Variants in PDE8A observed in about 807,000 individuals in gnomAD.
PDE8A encodes phosphodiesterase 8A.
PDE8A carries 59 observed loss-of-function variants against 105.0 expected under a neutral mutation model. The ratio of observed to expected loss-of-function variants is 0.56; its 90% CI spans 0.46 to 0.70. The LOEUF (loss-of-function observed/expected upper bound fraction) is 0.70, where lower values mean the gene tolerates loss of function less well. Among genes scored for constraint, PDE8A ranks in the 30% least tolerant of loss-of-function variants. The pLI, the probability that PDE8A is intolerant of heterozygous loss-of-function variation, is 0.00. For missense variants in PDE8A, 1,014 were observed against 1,045.9 expected (o/e 0.97, Z 0.42); for synonymous variants, 355 against 371.9 (o/e 0.95, Z 0.52).
chr15:85,139,066 T>TGTCA lies in PDE8A; in HGVS notation c.*1164_*1167dup, dbSNP rs990785491. On this transcript the variant is annotated 3_prime_UTR_variant, in exon 22 of 22. Coordinates refer to ENST00000394553, the MANE Select transcript of PDE8A (RefSeq NM_002605.3). ...ATGACACTTGACATGTCAATGTATTTGTCATTTCATTTTAAACTCGTATTT... is the reference window on the plus strand; with the variant it reads ...ATGACACTTGACATGTCAATGTATTTGTCAGTCATTTCATTTTAAACTCGTATTT... 2.0e-5 allele frequency: 3 copies of TGTCA among 152,244 alleles called. No individual in the cohort carries two copies. The highest frequency in any genetic ancestry group is 6.5e-5 in the Admixed American group (1 of 15,276). The allele number at this position is 152,244 out of a possible 1,614,324, so 9.4% of individuals were successfully genotyped here.
rs117888029 is a variant in PDE8A at position 85,124,870 on chromosome 15, C to T, written c.2086-1337C>T. On this transcript the variant is annotated intron_variant, in intron 19 of 21. Transcript: ENST00000394553. Reference sequence around the variant, plus strand: ...CTTGGTTTCCTCTGTCTAGTCTGGACAGCCCCTAGAGCTGAGTTCTCTGCT... The same window carrying T: ...CTTGGTTTCCTCTGTCTAGTCTGGATAGCCCCTAGAGCTGAGTTCTCTGCT... 5.8e-3 allele frequency among the ~76,000 whole-genome samples: 886 copies of T among 152,332 alleles called. 8 individuals carry two copies. Among genetic ancestry groups the T allele is most frequent in the Middle Eastern group, 0.014 (4 of 294 alleles).
intron 1 of PDE8A, among the ~76,000 whole-genome samples, chr15:85,027,147 AAGGCCTTGTTGG>A (rs1450993850): frequency 6.6e-6 from 1 of 152,216 alleles, no homozygotes; most frequent in Non-Finnish European, 1.5e-5. Context: ...GGACTCCCTG[AAGGCCTTGTTGG>A]ACTGTGGACC....
Position 85,083,571 on chromosome 15 carries a change from C to G in PDE8A, c.562C>G (p.Pro188Ala), listed in dbSNP as rs781658108. ...CTGTTTGTAGAGGTATGTAGAAAACCCCAACATCATGGCCTGCTACAATGA... is the reference window on the plus strand; with the variant it reads ...CTGTTTGTAGAGGTATGTAGAAAACGCCAACATCATGGCCTGCTACAATGA... The part of the protein sequence containing the change: ...AGFTRRYVEN[P>A]NIMACYNELL... The change falls in exon 6 of 22, where the codon CCC (proline) becomes GCC (alanine). Residue 188 changes from proline to alanine, a missense_variant. Coordinates refer to ENST00000394553, the MANE Select transcript of PDE8A (RefSeq NM_002605.3). 2 of 1,611,256 alleles carry G rather than the reference C, an allele frequency of 1.2e-6. No individual in the cohort carries two copies. Among genetic ancestry groups the G allele is most frequent in the South Asian group, 2.2e-5 (2 of 91,000 alleles).
chr15:85,118,967 G>GT (rs754286281), intron 17 of PDE8A, among the ~76,000 whole-genome samples: 6 of 151,916 alleles, frequency 3.9e-5, no homozygotes, highest in Non-Finnish European at 8.8e-5. Context: ...TTTGTTTTTT[G>GT]TTTTTTTCCA....
Position 84,991,988 on chromosome 15 carries a change from C to CA in PDE8A, c.186+9648dup, listed in dbSNP as rs923098079. Among the ~76,000 whole-genome samples, 86 of 151,150 alleles carry CA rather than the reference C, an allele frequency of 5.7e-4. 1 individual carries two copies. Among genetic ancestry groups the CA allele is most frequent in the Non-Finnish European group, 3.5e-4 (24 of 67,704 alleles). On this transcript the variant is annotated intron_variant, in intron 1 of 21. Coordinates refer to ENST00000394553, the MANE Select transcript of PDE8A (RefSeq NM_002605.3). ...CATAGCAAGACCCCATCTCTAACAA[C>CA]AAAAAAAAGATTAATAGCTAAACAA...
chr15:84,988,484 C>T lies in PDE8A; in HGVS notation c.186+6136C>T, dbSNP rs537512860. Among the ~76,000 whole-genome samples the T allele has an allele frequency of 5.9e-5, 9 of 152,326 alleles. No homozygotes were observed. The South Asian group carries it at 1.9e-3, about 32-fold the overall frequency. On this transcript the variant is annotated intron_variant, in intron 1 of 21. Transcript: ENST00000394553. The stretch of plus-strand genomic sequence containing the variant: ...ACTCCTGAAGCTAGATATTTTGTGA[C>T]GCCCTCTGAATCTGCCCTCTTTGCT...
intron 21 of PDE8A, among the ~76,000 whole-genome samples, chr15:85,137,321 A>C (rs1377543710): frequency 6.6e-6 from 1 of 152,194 alleles, no homozygotes. Context: ...TCTGCAGCTC[A>C]CTGCTTCTGG....
intron 1 of PDE8A, among the ~76,000 whole-genome samples, chr15:85,022,021 G>C (rs577717854): frequency 6.6e-6 from 1 of 152,288 alleles, no homozygotes; most frequent in East Asian, 1.9e-4. Flanking sequence ...TTATGGGGAA[G>C]TATTTTAAGA....
chr15:85,057,506 C>A (rs185909164), intron 1 of PDE8A, among the ~76,000 whole-genome samples: 231 of 152,308 alleles, frequency 1.5e-3, no homozygotes, highest in Admixed American at 3.9e-3. Context: ...CGATGCCCCT[C>A]CCTGCTCTGG....
chr15:85,112,776 C>G (rs1376305121), intron 12 of PDE8A, among the ~76,000 whole-genome samples: 1 of 152,176 alleles, frequency 6.6e-6, no homozygotes, highest in Non-Finnish European at 1.5e-5. Flanking sequence ...CTGGGCTTCT[C>G]CTCACCCCAA....
Position 85,031,740 on chromosome 15 carries a change from A to C in PDE8A, c.187-32630A>C, listed in dbSNP as rs551958556. On this transcript the variant is annotated intron_variant, in intron 1 of 21. Coordinates refer to ENST00000394553, the MANE Select transcript of PDE8A (RefSeq NM_002605.3). ...AGGATTAAGATGTTCTGTGGTACAT[A>C]GTAAACATCCAAATGTTACATGCTG... 7.9e-5 allele frequency among the ~76,000 whole-genome samples: 12 copies of C among 152,292 alleles called. No homozygotes were observed. In the South Asian group the frequency reaches 2.3e-3, roughly 29 times the overall value.
rs201518730 is a variant in PDE8A, at chr15:85,075,880, A to G, written c.453A>G (p.Lys151=). 1 of 1,567,900 alleles carries G rather than the reference A, an allele frequency of 6.4e-7. No individual in the cohort carries two copies. Among genetic ancestry groups the G allele is most frequent in the East Asian group, 2.3e-5 (1 of 44,314 alleles). Residue 151 remains lysine (K), a synonymous_variant, in exon 4 of 22, where the codon AAA becomes AAG. Coordinates refer to ENST00000394553, the MANE Select transcript of PDE8A (RefSeq NM_002605.3). ...EALCRSIRSS[K]LSENTVIVGV... ...TTTTAAGGTCTATCAGATCATCAAA[A>G]CTCTCAGAAAACACAGTTATTGTTG...
chr15:84,983,779 A>G (rs754848451), intron 1 of PDE8A, among the ~76,000 whole-genome samples: 1 of 152,232 alleles, frequency 6.6e-6, no homozygotes, highest in Non-Finnish European at 1.5e-5. Context: ...ATAATTTCAG[A>G]TTACCAAAGT....
chr15:85,040,721 C>T (rs62021230), intron 1 of PDE8A, among the ~76,000 whole-genome samples: 21,021 of 151,906 alleles, frequency 0.14, 1,880 homozygotes, highest in Middle Eastern at 0.24. Flanking sequence ...CCATCATACC[C>T]GGCTAATGTT....
At chr15:85,123,323 C>G in intron 19 of PDE8A, 130 bp downstream of exon 19, 1 of 625,214 alleles carries the variant, frequency 1.6e-6, no homozygotes, top group Non-Finnish European at 2.9e-6. Context: ...CTTACAGGGA[C>G]AGAACTAATG....
chr15:85,089,054 C>T (rs2081598196), intron 6 of PDE8A, among the ~76,000 whole-genome samples: 1 of 152,078 alleles, frequency 6.6e-6, no homozygotes, highest in Non-Finnish European at 1.5e-5. Flanking sequence ...CCCAGGGTCC[C>T]ACAGCTGCTG....
chr15:85,117,441 C>G (rs868812739), intron 16 of PDE8A, among the ~76,000 whole-genome samples, 200 bp from the exon 17 acceptor site: 17 of 152,246 alleles, frequency 1.1e-4, no homozygotes, highest in African/African-American at 3.1e-4. Context: ...CAGCTCTCAC[C>G]CGTGCATCAT....
intron 5 of PDE8A, among the ~76,000 whole-genome samples, chr15:85,080,324 T>C (rs1176534290): frequency 1.3e-5 from 2 of 152,164 alleles, no homozygotes; most frequent in Non-Finnish European, 2.9e-5. Context: ...GAGAACAGTT[T>C]ACTTAGCCAG....
At chr15:85,040,653 CG>C (rs2080790604) in intron 1 of PDE8A, among the ~76,000 whole-genome samples, 3 of 151,230 alleles carry the variant, frequency 2.0e-5, no homozygotes, top group African/African-American at 7.3e-5. Context: ...CTCTGCCTCC[CG>C]GGTTCACGCC....
Sources: gnomAD v4.1 joint callset for allele counts (sites outside exome capture counted in the v4.1 genomes callset) on GRCh38, gnomAD v4.1.1 for gene constraint, MANE v1.5 for transcripts, NCBI Gene and HGNC (gene_info 2026-07-23, HGNC 2026-07-21) for gene names.